The following RAB12 variants were observed in gnomAD, a reference collection of about 807,000 sequenced individuals.
RAB12 encodes the protein ras-related protein Rab-12.
Under a neutral mutation model 28.4 loss-of-function variants are expected in RAB12, and 11 were observed. The observed-to-expected ratio is 0.39, with a 90% CI of 0.24 to 0.64. RAB12 has a LOEUF of 0.64. Ranked by LOEUF, RAB12 falls within the 30% of genes least tolerant of loss-of-function variation. The pLI is 0.50. For synonymous variants in RAB12, 138 were observed against 145.3 expected (o/e 0.95, Z 0.36); for missense variants, 276 against 351.1 (o/e 0.79, Z 1.71).
intron 1 of RAB12, among the ~76,000 whole-genome samples, chr18:8,619,847 T>A (rs554549348): frequency 6.6e-6 from 1 of 152,042 alleles, no homozygotes; most frequent in Non-Finnish European, 1.5e-5. Flanking sequence ...TAAAGGAAAT[T>A]AAGGTCAAGA....
rs2096018399 is a variant in RAB12, at chr18:8,635,547, T to A, written c.729T>A (p.Asp243Glu). Residue 243 changes from aspartate (D) to glutamate (E), a missense_variant, in exon 4 of 6, where the codon GAT becomes GAA. Coordinates refer to ENST00000649141, the MANE Select transcript of RAB12 (RefSeq NM_001025300.3). ...AAATTCCACAGTATGCTTCAGAAGA[T>A]GCAGAGCTTCTCTTAGTTGGAAATA... The part of the protein sequence containing the change: ...MKMIDKYASE[D>E]AELLLVGNKL... The A allele has an allele frequency of 5.6e-6, 9 of 1,612,436 alleles. No homozygotes were observed. The highest frequency in any genetic ancestry group is 7.6e-6 in the Non-Finnish European group (9 of 1,179,180).
At chr18:8,620,165 C>CTTAA in intron 1 of RAB12, among the ~76,000 whole-genome samples, 1 of 75,438 alleles carries the variant, frequency 1.3e-5, no homozygotes, top group East Asian at 3.8e-4. Flanking sequence ...TTTTTTGCTT[C>CTTAA]AAAAAAAAAA....
At chr18:8,616,423 C>T (rs2096006709) in intron 1 of RAB12, among the ~76,000 whole-genome samples, 1 of 150,804 alleles carries the variant, frequency 6.6e-6, no homozygotes, top group Admixed American at 6.6e-5. Context: ...GGAAGCACAG[C>T]ACAGGCTGAA....
intron 2 of RAB12, among the ~76,000 whole-genome samples, chr18:8,630,734 A>G (rs2096015469): frequency 2.0e-5 from 3 of 152,240 alleles, no homozygotes; most frequent in Admixed American, 6.5e-5. Context: ...GCCTGGAGAA[A>G]AAAGAACGCT....
intron 1 of RAB12, among the ~76,000 whole-genome samples, chr18:8,623,550 A>G (rs374288902): frequency 6.6e-6 from 1 of 152,354 alleles, no homozygotes; most frequent in South Asian, 2.1e-4. Flanking sequence ...CGTCTTGTGT[A>G]GTGTCACTTG....
At chr18:8,610,535 G>T (rs1388702365) in intron 1 of RAB12, among the ~76,000 whole-genome samples, 4 of 152,246 alleles carry the variant, frequency 2.6e-5, no homozygotes, top group African/African-American at 9.6e-5. Context: ...CAAACAACCC[G>T]GTGACTGGCG....
chr18:8,623,095 T>C (rs765743637), intron 1 of RAB12, among the ~76,000 whole-genome samples: 44 of 152,264 alleles, frequency 2.9e-4, no homozygotes, highest in Non-Finnish European at 4.4e-4. Flanking sequence ...TATCACATGG[T>C]CCTGAGGCAA....
chr18:8,631,804 A>G (rs1042381992), intron 2 of RAB12, among the ~76,000 whole-genome samples: 11 of 152,358 alleles, frequency 7.2e-5, no homozygotes, highest in Middle Eastern at 6.8e-3. Flanking sequence ...ATGTTGGCTA[A>G]CATTAATCCT....
chr18:8,635,719 A>G, intron 4 of RAB12, 97 bp downstream of exon 4: 1 of 745,458 alleles, frequency 1.3e-6, no homozygotes, highest in African/African-American at 1.8e-5. Flanking sequence ...ATTACAAAGA[A>G]ATTATCAATA....
intron 3 of RAB12, among the ~76,000 whole-genome samples, chr18:8,634,286 T>C (rs1219127625): frequency 9.2e-5 from 12 of 130,002 alleles, no homozygotes; most frequent in African/African-American, 4.0e-4. Context: ...TCTCTCTCTT[T>C]TTTTTTTTTT....
Sources: allele counts gnomAD v4.1 joint callset (sites outside exome capture counted in the v4.1 genomes callset), GRCh38; gene constraint gnomAD v4.1.1; transcripts MANE v1.5; gene names NCBI Gene and HGNC (gene_info 2026-07-23, HGNC 2026-07-21).